TUBGCP2: variants seen among roughly 807,000 people sequenced by gnomAD.
TUBGCP2 encodes the protein tubulin gamma complex component 2, also known as gamma-tubulin complex component 2.
Under a neutral mutation model 92.2 loss-of-function variants are expected in TUBGCP2, and 55 were observed. The observed-to-expected ratio is 0.60, with a 90% CI of 0.48 to 0.75. The LOEUF (loss-of-function observed/expected upper bound fraction) is 0.75, where lower values mean the gene tolerates loss of function less well. TUBGCP2 is among the 30% of genes least tolerant of loss of function. The probability of loss-of-function intolerance (pLI) is 0.00; values close to 1 mark genes in which losing one functional copy is unlikely to be tolerated. For missense variants in TUBGCP2, 1,093 were observed against 1,188.9 expected, an observed-to-expected ratio of 0.92 and a Z score of 1.19; for synonymous variants, 533 against 505.2, an observed-to-expected ratio of 1.06 and a Z score of -0.74.
chr10:133,310,464 C>T (rs931765822), upstream of TUBGCP2: 4 of 800,964 alleles, frequency 5.0e-6, no homozygotes, highest in African/African-American at 7.0e-5. Flanking sequence ...GTGCCAGCGG[C>T]CACCCTGCCG....
Position 133,308,832 on chromosome 10 carries a change from G to T in TUBGCP2, c.-49C>A. On this transcript the variant is annotated 5_prime_UTR_variant, in exon 1 of 18. Coordinates refer to ENST00000252936, the MANE Select transcript of TUBGCP2 (RefSeq NM_006659.4). ...TTCGGCCAGGACTCACCGCAGTCCC[G>T]GAGCCACAGCCCCCGCGCAGCCCCC... The T allele has an allele frequency of 1.0e-6, 1 of 976,294 alleles. No homozygotes were observed. Among genetic ancestry groups the T allele is most frequent in the South Asian group, 5.2e-5 (1 of 19,190 alleles). The allele number at this position is 976,294 out of a possible 1,614,324, so 60.5% of individuals were successfully genotyped here.
rs776180910 is a variant in TUBGCP2 at position 133,283,224 on chromosome 10, G to T, written c.2146-3C>A. On this transcript the variant is annotated splice_region_variant and splice_polypyrimidine_tract_variant and intron_variant, in intron 14 of 17. Transcript: ENST00000252936. ...AGGACGTCGTCAATGTTGGAGGCCT[G>T]CGGGGAACAGGCCAAGCCCCTTCTC... The T allele has an allele frequency of 1.2e-6, 2 of 1,614,196 alleles. No homozygotes were observed. The highest frequency in any genetic ancestry group is 1.3e-5 in the African/African-American group (1 of 75,066).
At chr10:133,288,040 T>G (rs901528459) in intron 11 of TUBGCP2, 89 bp downstream of exon 11, 4 of 1,456,200 alleles carry the variant, frequency 2.7e-6, no homozygotes, top group South Asian at 2.9e-5. Context: ...GGACGGGGAG[T>G]GGGGGACAGG....
rs1234697567 is a variant in TUBGCP2, at chr10:133,282,294, G to T, written c.2338C>A (p.Leu780Met). The change falls in exon 16 of 18, where the codon CTG (leucine) becomes ATG (methionine). Residue 780 changes from leucine (L) to methionine (M), a missense_variant. By Grantham distance (15) the Leu-to-Met change is conservative. Transcript: ENST00000252936. ...AGCCCCAGGACGGTGCTGTGCTCCA[G>T]CGTCTGCCCGCCCAGCTCGCCATCT... ...KLDGELGGQTLEHSTVLGLPA... is the reference protein window; with the variant it reads ...KLDGELGGQTMEHSTVLGLPA... 1 of 1,606,920 alleles carries T rather than the reference G, an allele frequency of 6.2e-7. No homozygotes were observed. Among genetic ancestry groups the T allele is most frequent in the South Asian group, 1.1e-5 (1 of 90,598 alleles).
chr10:133,302,540 C>T (rs1425713210), intron 2 of TUBGCP2: 3 of 500,316 alleles, frequency 6.0e-6, no homozygotes, highest in Non-Finnish European at 7.2e-6. Flanking sequence ...GGACGACGCT[C>T]ATCCTGCACA....
chr10:133,286,242 C>T (rs1426583900), intron 11 of TUBGCP2, among the ~76,000 whole-genome samples: 3 of 152,090 alleles, frequency 2.0e-5, no homozygotes, highest in Non-Finnish European at 4.4e-5. Context: ...TGGGAGCTTT[C>T]GCAGGTGTGC....
intron 5 of TUBGCP2, chr10:133,295,705 A>G (rs1356960271): frequency 6.5e-6 from 1 of 152,674 alleles, no homozygotes; most frequent in East Asian, 1.9e-4. Flanking sequence ...GCATGGCGGG[A>G]ACGTGGAGTG....
At chr10:133,289,130 A>G (rs1847208813) in intron 9 of TUBGCP2, 110 bp from the exon 10 acceptor site, 7 of 1,266,570 alleles carry the variant, frequency 5.5e-6, no homozygotes, top group Non-Finnish European at 7.6e-6. Context: ...GGCTCTCCAC[A>G]CGGTCAGTCT....
upstream of TUBGCP2, chr10:133,311,826 G>A (rs766626266): frequency 4.9e-5 from 79 of 1,613,178 alleles, no homozygotes; most frequent in African/African-American, 4.0e-5. Flanking sequence ...GGTGAGAGGC[G>A]GATCTACAGA....
Position 133,288,303 on chromosome 10 carries a change from G to A in TUBGCP2, c.1548C>T (p.Ile516=). Residue 516 remains isoleucine (I), a synonymous_variant, in exon 11 of 18, where the codon ATC becomes ATT. Coordinates refer to ENST00000252936, the MANE Select transcript of TUBGCP2 (RefSeq NM_006659.4). ...EKELVAHLRS[I]KRYFLMDQGD... ...CCTGGTCCATGAGGAAGTAGCGCTT[G>A]ATGGACCTGCGCCAGGGAGCAGGCG... 1.2e-6 allele frequency: 2 copies of A among 1,613,274 alleles called. No homozygotes were observed. Among genetic ancestry groups the A allele is most frequent in the Admixed American group, 1.7e-5 (1 of 60,026 alleles).
At chr10:133,290,143 C>T (rs956131270) in intron 8 of TUBGCP2, 174 bp from the exon 9 acceptor site, 42 of 919,948 alleles carry the variant, frequency 4.6e-5, no homozygotes, top group East Asian at 8.1e-5. Context: ...TGGGCTAAAA[C>T]GAACCTAGGG....
intron 1 of TUBGCP2, among the ~76,000 whole-genome samples, chr10:133,305,103 A>T (rs1470973771): frequency 6.6e-6 from 1 of 152,138 alleles, no homozygotes; most frequent in Admixed American, 6.5e-5. Context: ...GCCCGCCCGC[A>T]GTTATCCGGA....
At chr10:133,300,314 G>A in intron 2 of TUBGCP2, 1 of 613,808 alleles carries the variant, frequency 1.6e-6, no homozygotes, top group Non-Finnish European at 2.6e-6. Flanking sequence ...AGTGGCTCAT[G>A]ACTGTAATCC....
upstream of TUBGCP2, chr10:133,309,244 G>T (rs1847925693): frequency 7.8e-7 from 1 of 1,287,588 alleles, no homozygotes; most frequent in Admixed American, 2.7e-5. Context: ...TGGTGGGGCG[G>T]GGCCGGAACG....
chr10:133,293,211 C>T lies in TUBGCP2; in HGVS notation c.852G>A (p.Glu284=), dbSNP rs367667431. 1 of 1,613,780 alleles carries T rather than the reference C, an allele frequency of 6.2e-7. No homozygotes were observed. The highest frequency in any genetic ancestry group is 8.5e-7 in the Non-Finnish European group (1 of 1,180,040). ...TRFIEEKSSF[E]YGQVNHALAA... ...CCAGGGCGTGGTTCACCTGCCCGTA[C>T]TCGAAGGAAGACTTCTCTTCAATGA... Residue 284 remains glutamate (E), a synonymous_variant, in exon 7 of 18, where the codon GAG becomes GAA. Transcript: ENST00000252936.
intron 13 of TUBGCP2, among the ~76,000 whole-genome samples, chr10:133,284,344 A>G (rs967749822): frequency 1.3e-5 from 2 of 152,148 alleles, no homozygotes; most frequent in African/African-American, 4.8e-5. Context: ...TTCATCATCA[A>G]GATGAGTTCT....
At chr10:133,299,331 G>A in intron 4 of TUBGCP2, 96 bp downstream of exon 4, 2 of 1,073,842 alleles carry the variant, frequency 1.9e-6, no homozygotes, top group Non-Finnish European at 2.5e-6. Context: ...CCTTCCAGCA[G>A]GGGCCCGGCA....
intron 8 of TUBGCP2, among the ~76,000 whole-genome samples, chr10:133,291,249 CCCA>C (rs1554935656): frequency 1.3e-4 from 9 of 67,924 alleles, no homozygotes; most frequent in African/African-American, 1.3e-3. Flanking sequence ...CTCCGTGTCC[CCCA>C]TGTCCCTCCG....
chr10:133,279,859 C>T lies in TUBGCP2; in HGVS notation c.2616G>A (p.Leu872=), dbSNP rs369042323. 17 of 1,606,344 alleles carry T rather than the reference C, an allele frequency of 1.1e-5. No homozygotes were observed. In the African/African-American group the frequency reaches 1.5e-4, roughly 14 times the overall value. Residue 872 remains leucine (L), a synonymous_variant, in exon 18 of 18, where the codon CTG becomes CTA. Transcript: ENST00000252936. The part of the protein sequence containing the change: ...NGFYTERLER[L]SAERSQKATP... ...TGGCCTTCTGGCTCCTCTCTGCAGA[C>T]AGGCGCTCCAGGCGCTCCGTGTAGA...
Sources: allele counts gnomAD v4.1 joint callset (sites outside exome capture counted in the v4.1 genomes callset), GRCh38; gene constraint gnomAD v4.1.1; transcripts MANE v1.5; gene names NCBI Gene and HGNC (gene_info 2026-07-23, HGNC 2026-07-21).